COL13A1: variants seen among roughly 807,000 people sequenced by gnomAD.
The protein encoded by COL13A1 is collagen alpha-1(XIII) chain.
COL13A1 carries 89 observed loss-of-function variants against 130.9 expected under a neutral mutation model. That is an observed-to-expected ratio of 0.68 (90% confidence interval 0.57 to 0.81). COL13A1 has a LOEUF of 0.81. Ranked by LOEUF, COL13A1 falls within the 30% of genes least tolerant of loss-of-function variation. The pLI is 0.00. For synonymous variants in COL13A1, 402 were observed against 341.6 expected (o/e 1.18, Z -1.95); for missense variants, 879 against 934.6 (o/e 0.94, Z 0.78).
At chr10:69,925,911 A>T in intron 26 of COL13A1, 39 bp downstream of exon 26, 1 of 1,517,566 alleles carries the variant, frequency 6.6e-7, no homozygotes, top group Non-Finnish European at 9.0e-7. Context: ...ATCCTCATGG[A>T]TCTCAGGCTC....
At chr10:69,808,695 T>C (rs1483552727) in intron 1 of COL13A1, among the ~76,000 whole-genome samples, 1 of 152,246 alleles carries the variant, frequency 6.6e-6, no homozygotes, top group African/African-American at 2.4e-5. Context: ...ATGACAGCGA[T>C]AGAGGCATGC....
intron 5 of COL13A1, chr10:69,877,324 T>A (rs2059665364): frequency 6.5e-6 from 1 of 152,940 alleles, no homozygotes; most frequent in Non-Finnish European, 1.5e-5. Flanking sequence ...CTCCTCTGCA[T>A]CACTGACCTG....
At chr10:69,803,150 C>T (rs1840524218) in intron 1 of COL13A1, among the ~76,000 whole-genome samples, 1 of 152,210 alleles carries the variant, frequency 6.6e-6, no homozygotes, top group South Asian at 2.1e-4. Context: ...GGCCCTCCCC[C>T]TCCACCCCTT....
At chr10:69,930,832 C>T (rs1284504001) in intron 30 of COL13A1, among the ~76,000 whole-genome samples, 4 of 152,176 alleles carry the variant, frequency 2.6e-5, no homozygotes, top group South Asian at 2.1e-4. Flanking sequence ...TCTAAACTGG[C>T]GATAATAATG....
intron 38 of COL13A1, among the ~76,000 whole-genome samples, chr10:69,950,972 C>T (rs1193974680): frequency 6.6e-6 from 1 of 152,122 alleles, no homozygotes; most frequent in Admixed American, 6.5e-5. Flanking sequence ...CCTCAGCCTC[C>T]CGAGTAGCTA....
intron 39 of COL13A1, chr10:69,955,060 A>G (rs778572683): frequency 2.0e-5 from 3 of 152,218 alleles, no homozygotes; most frequent in Middle Eastern, 3.2e-3. Context: ...TTCAAGAGCT[A>G]TTTTATCATA....
chr10:69,804,809 CAAAAAAAAAAAAAAAAAAAAAAA>C (rs57098368), intron 1 of COL13A1, among the ~76,000 whole-genome samples: 1 of 75,392 alleles, frequency 1.3e-5, no homozygotes, highest in Non-Finnish European at 2.4e-5. Flanking sequence ...ATGTCGTGTG[CAAAAAAAAAAAAAAAAAAAAAAA>C]AAAAAAAAAA....
At chr10:69,958,013 C>G (rs929015335) in intron 40 of COL13A1, among the ~76,000 whole-genome samples, 1 of 152,150 alleles carries the variant, frequency 6.6e-6, no homozygotes, top group Admixed American at 6.5e-5. Flanking sequence ...CTCACTAGTG[C>G]ACTGGGTTGG....
At chr10:69,940,735 C>T (rs2067506635) in intron 34 of COL13A1, among the ~76,000 whole-genome samples, 1 of 152,114 alleles carries the variant, frequency 6.6e-6, no homozygotes, top group Non-Finnish European at 1.5e-5. Flanking sequence ...AGCAGGTGGC[C>T]ATCTGCGCCG....
chr10:69,889,281 T>TGGAGCACAAGGGACAGGGA (rs2060917789), intron 9 of COL13A1, 133 bp from the exon 10 acceptor site: 7 of 1,141,700 alleles, frequency 6.1e-6, no homozygotes, highest in Non-Finnish European at 3.8e-6. Context: ...AAGGTGCAGA[T>TGGAGCACAAGGGACAGGGA]GGAGCACAGG....
At chr10:69,815,613 C>G (rs1301320483) in intron 1 of COL13A1, among the ~76,000 whole-genome samples, 1 of 152,082 alleles carries the variant, frequency 6.6e-6, no homozygotes, top group Non-Finnish European at 1.5e-5. Context: ...ACTTTGGTAG[C>G]CTAGATGGCA....
At chr10:69,913,947 G>A (rs1299704756) in intron 17 of COL13A1, among the ~76,000 whole-genome samples, 1 of 152,136 alleles carries the variant, frequency 6.6e-6, no homozygotes, top group African/African-American at 2.4e-5. Context: ...CCAGAGAGGA[G>A]GGAAGGGGCG....
intron 17 of COL13A1, among the ~76,000 whole-genome samples, chr10:69,910,392 C>T (rs956868938): frequency 6.6e-6 from 1 of 152,010 alleles, no homozygotes; most frequent in East Asian, 1.9e-4. Context: ...ATGGGCCCCC[C>T]ACATGAGCTT....
At chr10:69,952,732 G>T in intron 38 of COL13A1, 150 bp from the exon 39 acceptor site, 14 of 544,752 alleles carry the variant, frequency 2.6e-5, no homozygotes, top group East Asian at 7.7e-5. Flanking sequence ...GGTGGGTATT[G>T]ACTCCAAATC....
In COL13A1 at chr10:69,844,659, T is replaced by G. The variant is rs151322586; in HGVS notation, c.364+22221T>G. 4.4e-3 allele frequency among the ~76,000 whole-genome samples: 677 copies of G among 152,348 alleles called. 15 individuals carry two copies. Among genetic ancestry groups the G allele is most frequent in the Admixed American group, 0.039 (601 of 15,310 alleles). On this transcript the variant is annotated intron_variant, in intron 2 of 40. Transcript: ENST00000645393. ...AATGTTGGCATAGCGACAAGAGATA[T>G]CCTTGCTTTTGTCATGGAGAAGGGA...
At chr10:69,944,709 A>AC (rs2068211038) in intron 36 of COL13A1, among the ~76,000 whole-genome samples, 1 of 150,600 alleles carries the variant, frequency 6.6e-6, no homozygotes, top group African/African-American at 2.4e-5. Flanking sequence ...AAAAAGAAAA[A>AC]GAAAAAAGAG....
At chr10:69,940,644 T>C (rs903436125) in intron 34 of COL13A1, among the ~76,000 whole-genome samples, 1 of 152,150 alleles carries the variant, frequency 6.6e-6, no homozygotes, top group African/African-American at 2.4e-5. Context: ...CATTCCTTTC[T>C]GTATCCCTTT....
intron 3 of COL13A1, among the ~76,000 whole-genome samples, chr10:69,871,429 C>T (rs1037576739): frequency 2.6e-5 from 4 of 152,296 alleles, no homozygotes; most frequent in Admixed American, 6.5e-5. Flanking sequence ...AACAACACGG[C>T]GGGATGGCAA....
At chr10:69,841,997 G>A (rs117317660) in intron 2 of COL13A1, among the ~76,000 whole-genome samples, 4,739 of 152,260 alleles carry the variant, frequency 0.031, 104 homozygotes, top group Non-Finnish European at 0.045. Context: ...AAAAAGTATT[G>A]AGCAGGACCA....
Sources: gnomAD v4.1 joint callset for allele counts (sites outside exome capture counted in the v4.1 genomes callset) on GRCh38, gnomAD v4.1.1 for gene constraint, MANE v1.5 for transcripts, NCBI Gene and HGNC (gene_info 2026-07-23, HGNC 2026-07-21) for gene names.